The following SQOR variants were observed in gnomAD, a reference collection of about 807,000 sequenced individuals.
The protein encoded by SQOR is sulfide:quinone oxidoreductase, mitochondrial.
In SQOR, 39 loss-of-function variants were observed where a neutral mutation model predicts 48.6. That is an observed-to-expected ratio of 0.80 (90% CI 0.62 to 1.05). The LOEUF (loss-of-function observed/expected upper bound fraction) is 1.05, where lower values mean the gene tolerates loss of function less well. Among genes scored for constraint, SQOR ranks in the 50% least tolerant of loss-of-function variants. The probability of loss-of-function intolerance (pLI) is 0.00; values close to 1 mark genes in which losing one functional copy is unlikely to be tolerated. For synonymous variants in SQOR, 220 were observed against 206.2 expected (o/e 1.07, Z -0.57); for missense variants, 561 against 559.9 (o/e 1.00, Z -0.02).
chr15:45,642,110 A>C (rs1895114768), intron 1 of SQOR, among the ~76,000 whole-genome samples: 1 of 152,156 alleles, frequency 6.6e-6, no homozygotes. Flanking sequence ...AAAATGCTGA[A>C]CTCAACTGAA....
intron 1 of SQOR, among the ~76,000 whole-genome samples, chr15:45,649,154 A>G (rs950236808): frequency 2.0e-5 from 3 of 152,202 alleles, no homozygotes; most frequent in Admixed American, 1.3e-4. Context: ...GGCAGTCTGT[A>G]TTGCTTGTCC....
At chr15:45,646,756 C>T (rs1404270267) in intron 1 of SQOR, among the ~76,000 whole-genome samples, 1 of 152,138 alleles carries the variant, frequency 6.6e-6, no homozygotes, top group East Asian at 1.9e-4. Flanking sequence ...ATATATCCAT[C>T]CACTGATTTC....
chr15:45,670,012 T>C (rs1889910540), intron 4 of SQOR, 31 bp downstream of exon 4: 1 of 1,605,816 alleles, frequency 6.2e-7, no homozygotes, highest in South Asian at 1.1e-5. Flanking sequence ...TGTGTTACGC[T>C]GGCTTATCTA....
chr15:45,682,403 G>A, intron 6 of SQOR, 75 bp from the exon 7 acceptor site: 1 of 1,510,442 alleles, frequency 6.6e-7, no homozygotes, highest in East Asian at 2.3e-5. Context: ...ATAGAGTAAG[G>A]AAGGTAGGGG....
In SQOR at chr15:45,659,104, C is replaced by T. The variant is rs376077055; in HGVS notation, c.181C>T (p.Arg61Cys). 3.8e-5 allele frequency: 60 copies of T among 1,581,386 alleles called. No homozygotes were observed. The highest frequency in any genetic ancestry group is 3.7e-4 in the Middle Eastern group (2 of 5,348). Reference sequence around the variant, plus strand: ...CAGTGGCGGAATCACCATGGCTGCCCGCATGAAGAGGAAAGTGGGTGCAGA... The same window carrying T: ...CAGTGGCGGAATCACCATGGCTGCCTGCATGAAGAGGAAAGTGGGTGCAGA... ...GGSGGITMAA[R>C]MKRKVGAENV... Residue 61 changes from arginine (R) to cysteine (C), a missense_variant, in exon 2 of 10, where the codon CGC becomes TGC. By Grantham distance (180) the Arg-to-Cys change is radical (BLOSUM62 -3). Coordinates refer to ENST00000260324, the MANE Select transcript of SQOR (RefSeq NM_021199.4).
At chr15:45,651,344 C>G (rs1413519830) in intron 1 of SQOR, among the ~76,000 whole-genome samples, 1 of 152,160 alleles carries the variant, frequency 6.6e-6, no homozygotes, top group Non-Finnish European at 1.5e-5. Flanking sequence ...TCGTGCTGGC[C>G]CGCGAGCGTC....
In SQOR at chr15:45,659,026, G is replaced by C; in HGVS notation, c.103G>C (p.Gly35Arg). Residue 35 changes from glycine (G) to arginine (R), a missense_variant, in exon 2 of 10, where the codon GGG becomes CGG. Physicochemically the swap from Gly to Arg is moderately radical, Grantham distance 125. Coordinates refer to ENST00000260324, the MANE Select transcript of SQOR (RefSeq NM_021199.4). ...QQVGPLQLHT[G>R]ASHAARNHYE... ...GGTCGGCCCCCTTCAGCTGCACACCGGGGCCAGCCATGCGGCCAGGAACCA... is the reference window on the plus strand; with the variant it reads ...GGTCGGCCCCCTTCAGCTGCACACCCGGGCCAGCCATGCGGCCAGGAACCA... 6.2e-7 allele frequency: 1 copy of C among 1,601,514 alleles called. No individual in the cohort carries two copies.
chr15:45,677,900 G>A (rs1020363871), intron 6 of SQOR, among the ~76,000 whole-genome samples: 1 of 152,022 alleles, frequency 6.6e-6, no homozygotes, highest in Non-Finnish European at 1.5e-5. Flanking sequence ...TAGCGGCGAG[G>A]TTTCACCATG....
At chr15:45,672,381 A>C (rs191293364) in intron 4 of SQOR, among the ~76,000 whole-genome samples, 2 of 152,270 alleles carry the variant, frequency 1.3e-5, no homozygotes, top group East Asian at 3.9e-4. Flanking sequence ...AATAATAATG[A>C]TATTATTATT....
At chr15:45,675,964 C>A in intron 5 of SQOR, 137 bp from the exon 6 acceptor site, 1 of 776,840 alleles carries the variant, frequency 1.3e-6, no homozygotes. Flanking sequence ...ATTGGTCTAC[C>A]CATTGCTCTG....
chr15:45,640,142 A>G (rs1406379182), intron 1 of SQOR, among the ~76,000 whole-genome samples: 17 of 152,240 alleles, frequency 1.1e-4, no homozygotes, highest in Non-Finnish European at 2.5e-4. Flanking sequence ...CATTCTAATT[A>G]TGTTCCAGAC....
At chr15:45,664,545 T>C (rs1889779016) in intron 3 of SQOR, among the ~76,000 whole-genome samples, 1 of 152,102 alleles carries the variant, frequency 6.6e-6, no homozygotes, top group Non-Finnish European at 1.5e-5. Context: ...TAGTGCCCCA[T>C]GAAAGAGGTG....
intron 8 of SQOR, among the ~76,000 whole-genome samples, chr15:45,688,636 C>T (rs940271600): frequency 7.9e-5 from 12 of 151,932 alleles, no homozygotes; most frequent in African/African-American, 2.7e-4. Context: ...CTCAGCCTCC[C>T]GAATAGATGG....
At chr15:45,663,273 C>T (rs1329385501) in intron 3 of SQOR, among the ~76,000 whole-genome samples, 1 of 152,138 alleles carries the variant, frequency 6.6e-6, no homozygotes, top group African/African-American at 2.4e-5. Context: ...CTGCCTCAGC[C>T]TCCCAAAGTG....
At chr15:45,649,688 G>A (rs1194744170) in intron 1 of SQOR, among the ~76,000 whole-genome samples, 1 of 152,060 alleles carries the variant, frequency 6.6e-6, no homozygotes, top group Non-Finnish European at 1.5e-5. Context: ...TCACCATGTT[G>A]GCCAGGCTAG....
intron 3 of SQOR, 101 bp downstream of exon 3, chr15:45,662,226 T>G: frequency 8.4e-7 from 1 of 1,188,808 alleles, no homozygotes; most frequent in South Asian, 1.4e-5. Context: ...GCGGTATATA[T>G]GCATGTGTGT....
chr15:45,637,772 T>C lies in SQOR; in HGVS notation c.-18+2664T>C, dbSNP rs72713192. 7.1e-3 allele frequency among the ~76,000 whole-genome samples: 1,081 copies of C among 152,332 alleles called. 4 individuals are homozygous for C. Among genetic ancestry groups the C allele is most frequent in the Admixed American group, 9.7e-3 (149 of 15,296 alleles). ...TCCATGTTGCCTGTGTCTAGCTTTG[T>C]TAATCCGATGTGTTGTAACACAGGA... On this transcript the variant is annotated intron_variant, in intron 1 of 9. Transcript: ENST00000260324.
At position 45,648,830 on chromosome 15, in the gene SQOR, T is replaced by C. The variant is rs77535156; in HGVS notation, c.-17-10077T>C. Among the ~76,000 whole-genome samples, 231 of 152,352 alleles carry C rather than the reference T, an allele frequency of 1.5e-3. 2 individuals carry two copies. The East Asian group carries it at 0.026, about 17-fold the overall frequency. ...GACACTGTTTAATGATTAGACTGTT[T>C]TCCTCTTTGATTTTGGAAGTGTTCT... On this transcript the variant is annotated intron_variant, in intron 1 of 9. Coordinates refer to ENST00000260324, the MANE Select transcript of SQOR (RefSeq NM_021199.4).
chr15:45,655,681 C>CTTTTTTTTTTTTTTTT (rs60764234), intron 1 of SQOR, among the ~76,000 whole-genome samples: 2 of 143,738 alleles, frequency 1.4e-5, no homozygotes, highest in Non-Finnish European at 3.0e-5. Flanking sequence ...GAAAGTATAT[C>CTTTTTTTTTTTTTTTT]TTTTTTTTTT....
Sources: allele counts gnomAD v4.1 joint callset (sites outside exome capture counted in the v4.1 genomes callset), GRCh38; gene constraint gnomAD v4.1.1; transcripts MANE v1.5; gene names NCBI Gene and HGNC (gene_info 2026-07-23, HGNC 2026-07-21).